CCDC3: variants seen among roughly 807,000 people sequenced by gnomAD.
The protein encoded by CCDC3 is coiled-coil domain-containing protein 3.
A neutral mutation model predicts 21.4 loss-of-function variants in CCDC3; 24 were observed. The observed-to-expected ratio is 1.12, with a 90% CI of 0.81 to 1.58. CCDC3 has a LOEUF of 1.58. Ranked by LOEUF, CCDC3 falls within the 40% of genes most tolerant of loss-of-function variation. The probability of loss-of-function intolerance (pLI) is 0.00; values close to 1 mark genes in which losing one functional copy is unlikely to be tolerated. For missense variants in CCDC3, 425 were observed against 360.9 expected (o/e 1.18, Z -1.44); for synonymous variants, 186 against 166.0 (o/e 1.12, Z -0.93).
intron 2 of CCDC3, among the ~76,000 whole-genome samples, chr10:12,931,359 G>C (rs10906256): frequency 0.23 from 35,449 of 152,100 alleles, 4,374 homozygotes; most frequent in Middle Eastern, 0.29. Context: ...GGGTGGAATG[G>C]GATTCAACCT....
At chr10:13,090,486 G>A (rs1236834789) in intron 3 of CCDC3, among the ~76,000 whole-genome samples, 2 of 152,128 alleles carry the variant, frequency 1.3e-5, no homozygotes, top group East Asian at 1.9e-4. Context: ...TTTTAGAGGA[G>A]GTCTCTGAGA....
intron 3 of CCDC3, among the ~76,000 whole-genome samples, chr10:13,079,458 TAGTC>T (rs1323958389): frequency 3.9e-5 from 6 of 151,978 alleles, no homozygotes; most frequent in Non-Finnish European, 8.8e-5. Context: ...AGCAATTCCT[TAGTC>T]AGGCAGGACT....
chr10:13,079,285 A>G (rs1301239320), intron 3 of CCDC3, among the ~76,000 whole-genome samples: 2 of 145,212 alleles, frequency 1.4e-5, no homozygotes, highest in Non-Finnish European at 3.0e-5. Flanking sequence ...TTGTGGCCTT[A>G]GGGGTAAGGA....
intron 2 of CCDC3, among the ~76,000 whole-genome samples, chr10:12,985,999 CTG>C (rs1186203864): frequency 6.6e-6 from 1 of 152,220 alleles, no homozygotes; most frequent in Non-Finnish European, 1.5e-5. Context: ...CCTCAGTCTC[CTG>C]AGTAGCTGGG....
intron 2 of CCDC3, among the ~76,000 whole-genome samples, chr10:12,935,061 G>C (rs1834715055): frequency 1.3e-5 from 2 of 151,086 alleles, no homozygotes; most frequent in South Asian, 4.2e-4. Context: ...ACCAAACCTG[G>C]CTTTTTTTTT....
At chr10:13,053,073 C>T (rs2131426599) in intron 4 of CCDC3, among the ~76,000 whole-genome samples, 1 of 152,068 alleles carries the variant, frequency 6.6e-6, no homozygotes, top group African/African-American at 2.4e-5. Context: ...TACTTCTGGT[C>T]CCAAAAAGCA....
At chr10:13,087,345 G>A (rs1037238932) in intron 3 of CCDC3, among the ~76,000 whole-genome samples, 31 of 151,382 alleles carry the variant, frequency 2.0e-4, no homozygotes, top group East Asian at 7.8e-4. Flanking sequence ...TAGAGGTTGC[G>A]GTGAGCTGAG....
intron 5 of CCDC3, among the ~76,000 whole-genome samples, chr10:13,029,438 A>C (rs1253201811): frequency 6.6e-6 from 1 of 152,208 alleles, no homozygotes; most frequent in Non-Finnish European, 1.5e-5. Flanking sequence ...TTCTCCTCCA[A>C]AGGAATGCAG....
chr10:13,037,040 C>T (rs554861029), intron 5 of CCDC3, among the ~76,000 whole-genome samples: 3 of 152,132 alleles, frequency 2.0e-5, no homozygotes, highest in African/African-American at 7.2e-5. Flanking sequence ...CTGCCTCAGC[C>T]TCCCAAAGTG....
At chr10:12,936,964 G>T (rs1011145605) in intron 2 of CCDC3, among the ~76,000 whole-genome samples, 3 of 152,198 alleles carry the variant, frequency 2.0e-5, no homozygotes, top group Non-Finnish European at 4.4e-5. Flanking sequence ...TAAGGCATAT[G>T]TCAAAATGGT....
chr10:12,971,016 A>G (rs73581755), intron 2 of CCDC3, among the ~76,000 whole-genome samples: 1 of 152,334 alleles, frequency 6.6e-6, no homozygotes, highest in African/African-American at 2.4e-5. Flanking sequence ...GAATCTATCT[A>G]CTTACTGATG....
intron 2 of CCDC3, among the ~76,000 whole-genome samples, chr10:12,916,968 C>A (rs1286619354): frequency 6.6e-6 from 1 of 152,050 alleles, no homozygotes; most frequent in Non-Finnish European, 1.5e-5. Context: ...CCAGAGCAGG[C>A]CTTTATGCCC....
chr10:13,099,571 AGCAACAAGAATAGCCGAGCCTATTCGTCC>A (rs1832691492), exon 1 of CCDC3: 1 of 151,928 alleles, frequency 6.6e-6, no homozygotes, highest in Admixed American at 6.6e-5. Flanking sequence ...GCTATTCTTC[AGCAACAAGAATAGCCGAGCCTATTCGTCC>A]GCAACAAGAG....
chr10:13,006,131 G>A (rs1835921845), upstream of CCDC3, among the ~76,000 whole-genome samples: 1 of 152,198 alleles, frequency 6.6e-6, no homozygotes, highest in Admixed American at 6.6e-5. Flanking sequence ...CCAATGTGAT[G>A]TTTTGTGGAA....
chr10:12,919,132 T>C (rs1481205313), intron 2 of CCDC3, among the ~76,000 whole-genome samples: 1 of 152,288 alleles, frequency 6.6e-6, no homozygotes, highest in Non-Finnish European at 1.5e-5. Flanking sequence ...GTTTTTAAAA[T>C]GCCCACATAA....
At chr10:12,962,063 T>C (rs1430707119) in intron 2 of CCDC3, among the ~76,000 whole-genome samples, 1 of 152,168 alleles carries the variant, frequency 6.6e-6, no homozygotes, top group African/African-American at 2.4e-5. Context: ...GTAAGTTTGA[T>C]AAAAGGCCAA....
intron 2 of CCDC3, among the ~76,000 whole-genome samples, chr10:12,997,524 C>T (rs1835780992): frequency 6.6e-6 from 1 of 152,168 alleles, no homozygotes; most frequent in Non-Finnish European, 1.5e-5. Context: ...CCTTACGATC[C>T]CGACCCTTAC....
chr10:13,091,779 C>T (rs545291769), intron 3 of CCDC3, among the ~76,000 whole-genome samples: 2 of 149,566 alleles, frequency 1.3e-5, no homozygotes, highest in African/African-American at 2.5e-5. Context: ...ATGGAAGTTC[C>T]CTAAGTGTCT....
At chr10:12,965,396 C>T (rs1381229773) in intron 2 of CCDC3, among the ~76,000 whole-genome samples, 1 of 152,168 alleles carries the variant, frequency 6.6e-6, no homozygotes, top group African/African-American at 2.4e-5. Flanking sequence ...TCCCAAAGGA[C>T]TTCCAAACAT....
Sources: allele counts gnomAD v4.1 joint callset (sites outside exome capture counted in the v4.1 genomes callset), GRCh38; gene constraint gnomAD v4.1.1; transcripts MANE v1.5; gene names NCBI Gene and HGNC (gene_info 2026-07-23, HGNC 2026-07-21).